The following BNC1 variants were observed in gnomAD, a reference collection of about 807,000 sequenced individuals.
BNC1 encodes zinc finger protein basonuclin-1.
Under a neutral mutation model 66.5 loss-of-function variants are expected in BNC1, and 8 were observed. The observed-to-expected ratio is 0.12, with a 90% confidence interval of 0.07 to 0.22. BNC1 has a LOEUF of 0.22. BNC1 is among the 10% of genes least tolerant of loss of function. The pLI is 1.00. For synonymous variants in BNC1, 454 were observed against 452.6 expected, an observed-to-expected ratio of 1.00 and a Z score of -0.04; for missense variants, 1,069 against 1,241.3, an observed-to-expected ratio of 0.86 and a Z score of 2.09.
At chr15:83,259,828 G>C (rs2038121326) in intron 4 of BNC1, among the ~76,000 whole-genome samples, 1 of 152,096 alleles carries the variant, frequency 6.6e-6, no homozygotes. Flanking sequence ...TACATTTCCT[G>C]AGGTGCCATG....
intron 1 of BNC1, among the ~76,000 whole-genome samples, chr15:83,268,464 A>G (rs1391822654): frequency 1.3e-5 from 2 of 152,210 alleles, no homozygotes; most frequent in African/African-American, 4.8e-5. Context: ...AATGAGTTTA[A>G]ACATCAGAAC....
intron 1 of BNC1, chr15:83,283,121 G>A: frequency 1.3e-6 from 2 of 1,535,288 alleles, no homozygotes; most frequent in Non-Finnish European, 1.7e-6. Flanking sequence ...CTGGGAGATG[G>A]CATTCCACTT....
intron 3 of BNC1, among the ~76,000 whole-genome samples, chr15:83,266,368 A>G (rs6602970): frequency 0.38 from 58,241 of 151,992 alleles, 13,138 homozygotes; most frequent in African/African-American, 0.64. Context: ...ATAGAGCCTA[A>G]GAAGGAAGAA....
intron 4 of BNC1, among the ~76,000 whole-genome samples, chr15:83,259,181 TG>T (rs2038116197): frequency 1.3e-5 from 2 of 152,236 alleles, no homozygotes; most frequent in South Asian, 2.1e-4. Flanking sequence ...TGTTATCATT[TG>T]GAATTAACTT....
chr15:83,264,411 G>A lies in BNC1; in HGVS notation c.840C>T (p.Val280=), dbSNP rs1440384973. 1.2e-6 allele frequency: 2 copies of A among 1,614,198 alleles called. No homozygotes were observed. The highest frequency in any genetic ancestry group is 3.3e-5 in the Admixed American group (2 of 60,024). Residue 280 remains valine, a synonymous_variant, in exon 4 of 5, where the codon GTC becomes GTT. Coordinates refer to ENST00000345382, the MANE Select transcript of BNC1 (RefSeq NM_001717.4). ...AGCTGCTGTCAGGGAAGGGCCCATG[G>A]ACTTCCTGTTTGGGGTCCTGACTTT... ...HDQSQDPKQE[V]HGPFPDSSFL...
rs1381792021 is a variant in BNC1 at position 83,264,048 on chromosome 15, G to A, written c.1203C>T (p.Ser401=). The A allele has an allele frequency of 6.2e-7, 1 of 1,614,066 alleles. No homozygotes were observed. The highest frequency in any genetic ancestry group is 8.5e-7 in the Non-Finnish European group (1 of 1,180,042). Residue 401 remains serine (S), a synonymous_variant, in exon 4 of 5, where the codon AGC becomes AGT. Coordinates refer to ENST00000345382, the MANE Select transcript of BNC1 (RefSeq NM_001717.4). ...TGGGGTTGGCGCTATGGCGATTCCG[G>A]CTCCTTAGGGAGCTGAACACCATGT... ...GCNMVFSSLR[S]RNRHSANPNP... is the part of the protein sequence containing the mutation.
intron 4 of BNC1, among the ~76,000 whole-genome samples, chr15:83,261,298 A>G (rs1020263309): frequency 3.9e-5 from 6 of 152,128 alleles, no homozygotes; most frequent in African/African-American, 1.4e-4. Context: ...CATTTAACTA[A>G]TATCTCCTGT....
At chr15:83,282,825 C>A (rs759314662) in intron 1 of BNC1, among the ~76,000 whole-genome samples, 1 of 152,232 alleles carries the variant, frequency 6.6e-6, no homozygotes, top group Admixed American at 6.5e-5. Context: ...GTTGCTACAT[C>A]TGCTCTGTGG....
At position 83,257,211 on chromosome 15, in the gene BNC1, G is replaced by C. The variant is rs1233070053; in HGVS notation, c.*231C>G. On this transcript the variant is annotated 3_prime_UTR_variant, in exon 5 of 5. Transcript: ENST00000345382. ...AATCACATTTCTGCAAGTTTTCCTT[G>C]TATCAGTGAAAGACCTCTTGGGCTA... is the stretch of plus-strand genomic sequence containing the variant. The C allele has an allele frequency of 3.5e-6, 2 of 571,536 alleles. No individual in the cohort carries two copies. Among genetic ancestry groups the C allele is most frequent in the African/African-American group, 3.8e-5 (2 of 53,124 alleles). The allele number at this position is 571,536 out of a possible 1,614,324, so 35.4% of individuals were successfully genotyped here. A position where few individuals can be genotyped will look rare whatever the true frequency, so the allele number is the denominator to read the frequency against.
intron 1 of BNC1, chr15:83,283,302 A>G (rs1256267401): frequency 6.7e-7 from 1 of 1,500,776 alleles, no homozygotes; most frequent in African/African-American, 1.4e-5. Context: ...TGGCTGACAA[A>G]TCCCGAGGAA....
Position 83,263,997 on chromosome 15 carries a change from G to A in BNC1, c.1254C>T (p.Asn418=), listed in dbSNP as rs1315220265. 1.9e-6 allele frequency: 3 copies of A among 1,614,206 alleles called. No homozygotes were observed. The highest frequency in any genetic ancestry group is 2.5e-6 in the Non-Finnish European group (3 of 1,180,048). ...TGAGGTCTTTGTCCCGGTTATTTCT[G>A]TTCATTGGCATGTGCAGCCGAGGGT... The part of the protein sequence containing the change: ...NPNPRLHMPM[N]RNNRDKDLRN... The change falls in exon 4 of 5, where the codon AAC becomes AAT. Residue 418 remains asparagine (N), a synonymous_variant. Transcript: ENST00000345382.
In BNC1 at chr15:83,263,574, G is replaced by A; in HGVS notation, c.1677C>T (p.His559=). 6.2e-7 allele frequency: 1 copy of A among 1,614,248 alleles called. No homozygotes were observed. Among genetic ancestry groups the A allele is most frequent in the Non-Finnish European group, 8.5e-7 (1 of 1,180,050 alleles). The change falls in exon 4 of 5, where the codon CAC becomes CAT. Residue 559 remains histidine, a synonymous_variant. Coordinates refer to ENST00000345382, the MANE Select transcript of BNC1 (RefSeq NM_001717.4). Reference sequence around the variant, plus strand: ...GCATGTCTTCATCTGAGCTGAGGTTGTGTCTTTTCTCATTAGCTATTTCCA... The same window carrying A: ...GCATGTCTTCATCTGAGCTGAGGTTATGTCTTTTCTCATTAGCTATTTCCA... ...EAVEIANEKR[H]NLSSDEDMPL... is the part of the protein sequence containing the mutation.
intron 1 of BNC1, 37 bp from the exon 2 acceptor site, chr15:83,268,269 A>C (rs759052487): frequency 1.2e-5 from 18 of 1,524,968 alleles, no homozygotes; most frequent in Non-Finnish European, 1.5e-5. Flanking sequence ...TGGAGCATGT[A>C]AGTGATGTGT....
At chr15:83,280,705 AG>A (rs1020648203) in intron 1 of BNC1, among the ~76,000 whole-genome samples, 15 of 152,242 alleles carry the variant, frequency 9.9e-5, no homozygotes, top group African/African-American at 3.6e-4. Flanking sequence ...CTACAGAAAA[AG>A]GACAACACTT....
intron 1 of BNC1, chr15:83,283,171 A>G (rs1170314687): frequency 6.5e-7 from 1 of 1,535,528 alleles, no homozygotes. Flanking sequence ...CGCAGCCACA[A>G]AGAGATGCCT....
intron 1 of BNC1, among the ~76,000 whole-genome samples, chr15:83,269,542 G>C (rs1024451270): frequency 2.0e-5 from 3 of 152,116 alleles, no homozygotes; most frequent in Admixed American, 6.5e-5. Context: ...ATGGGGGAGA[G>C]GGAAAGGAGA....
chr15:83,283,267 C>A (rs1484330663), intron 1 of BNC1: 24 of 1,533,310 alleles, frequency 1.6e-5, no homozygotes, highest in Non-Finnish European at 2.0e-5. Flanking sequence ...CTCCTTCACT[C>A]GCCTCGCCAC....
chr15:83,283,087 A>G, intron 1 of BNC1: 1 of 1,378,550 alleles, frequency 7.3e-7, no homozygotes, highest in Non-Finnish European at 9.7e-7. Context: ...CCAACCACAC[A>G]CAACTTCACT....
chr15:83,258,061 T>C lies in BNC1; in HGVS notation c.2366A>G (p.Asp789Gly). Residue 789 changes from aspartate to glycine, a missense_variant, in exon 5 of 5, where the codon GAT (aspartate) becomes GGT (glycine). This residue lies in a region of BNC1 where 657 missense variants were observed against 715.8 expected (regional missense o/e 0.92). Coordinates refer to ENST00000345382, the MANE Select transcript of BNC1 (RefSeq NM_001717.4). Reference sequence around the variant, plus strand: ...CAGAAGGTAAGCTGCACGGAAATGATCTTCACTACTCTCCAATGCTTCCTG... The same window carrying C: ...CAGAAGGTAAGCTGCACGGAAATGACCTTCACTACTCTCCAATGCTTCCTG... ...LSQEALESSE[D>G]HFRAAYLLKD... 6.2e-7 allele frequency: 1 copy of C among 1,612,768 alleles called. No individual in the cohort carries two copies. The highest frequency in any genetic ancestry group is 1.1e-5 in the South Asian group (1 of 91,068).
Sources: allele counts gnomAD v4.1 joint callset (sites outside exome capture counted in the v4.1 genomes callset), GRCh38; gene constraint gnomAD v4.1.1; regional missense constraint gnomAD v4.1.1; transcripts MANE v1.5; gene names NCBI Gene and HGNC (gene_info 2026-07-23, HGNC 2026-07-21).